The following FRYL variants were observed in gnomAD, a reference collection of about 807,000 sequenced individuals.
FRYL encodes the protein protein furry homolog-like.
A neutral mutation model predicts 351.2 loss-of-function variants in FRYL; 150 were observed. That is an observed-to-expected ratio of 0.43 (90% CI 0.37 to 0.49). The LOEUF is 0.49. Among genes scored for constraint, FRYL ranks in the 20% least tolerant of loss-of-function variants. FRYL has a pLI of 0.00. For synonymous variants in FRYL, 1,153 were observed against 1,257.1 expected (o/e 0.92, Z 1.75); for missense variants, 3,036 against 3,619.3 (o/e 0.84, Z 4.13).
At position 48,620,669 on chromosome 4, in the gene FRYL, T is replaced by C. The variant is rs545235948; in HGVS notation, c.284A>G (p.Tyr95Cys). The change falls in exon 6 of 64, where the codon TAT becomes TGT. Residue 95 changes from tyrosine (Y) to cysteine (C), a missense_variant. This residue lies in a region of FRYL where 457 missense variants were observed against 566.6 expected (regional missense o/e 0.81). Transcript: ENST00000358350. ...QNGTEDESYE[Y>C]RPRSSTKSKG... ...AGACTTTGTGCTAGACCGAGGCCTA[T>C]ATTCATAAGATTCATCTTCCGTTCC... is the stretch of plus-strand genomic sequence containing the variant. 16 of 1,613,926 alleles carry C rather than the reference T, an allele frequency of 9.9e-6. No individual in the cohort carries two copies. In the South Asian group the frequency reaches 1.5e-4, roughly 16 times the overall value.
chr4:48,637,658 G>A (rs1210266296), intron 3 of FRYL: 1 of 151,938 alleles, frequency 6.6e-6, no homozygotes, highest in Non-Finnish European at 1.5e-5. Context: ...CTAATAATAA[G>A]AATAAACAGG....
chr4:48,608,919 T>G, intron 9 of FRYL, 68 bp downstream of exon 9: 1 of 921,780 alleles, frequency 1.1e-6, no homozygotes, highest in Non-Finnish European at 1.8e-6. Context: ...CAGTATCTAT[T>G]GTATTCATTG....
chr4:48,580,836 A>G (rs1463467892), intron 22 of FRYL, 29 bp downstream of exon 22: 6 of 1,438,496 alleles, frequency 4.2e-6, no homozygotes, highest in Middle Eastern at 1.8e-4. Flanking sequence ...TCAAAACAAG[A>G]TTGGGTAGAA....
chr4:48,702,562 T>TCAG (rs199502618), intron 2 of FRYL, among the ~76,000 whole-genome samples: 1,424 of 139,766 alleles, frequency 0.01, 21 homozygotes, highest in African/African-American at 0.035. Flanking sequence ...GATTACGAGG[T>TCAG]CAGGAGATCG....
At chr4:48,757,985 A>C (rs995373178) in intron 1 of FRYL, among the ~76,000 whole-genome samples, 2 of 152,216 alleles carry the variant, frequency 1.3e-5, no homozygotes, top group Non-Finnish European at 2.9e-5. Context: ...AGAAATGGAG[A>C]AAGGATTCCC....
At chr4:48,699,678 T>C (rs574742391) in intron 2 of FRYL, among the ~76,000 whole-genome samples, 201 of 152,232 alleles carry the variant, frequency 1.3e-3, no homozygotes, top group African/African-American at 4.7e-3. Flanking sequence ...AAGCCCTACC[T>C]GTGGTTTAAC....
chr4:48,715,374 C>T (rs1214331346), intron 1 of FRYL, among the ~76,000 whole-genome samples: 13 of 152,132 alleles, frequency 8.5e-5, no homozygotes, highest in Admixed American at 8.5e-4. Context: ...CTAGAAAACC[C>T]CATCGTCTCA....
At chr4:48,520,905 C>G in intron 55 of FRYL, 143 bp downstream of exon 55, 1 of 535,662 alleles carries the variant, frequency 1.9e-6, no homozygotes, top group Non-Finnish European at 3.2e-6. Context: ...TCAGATTTGA[C>G]TATTTCATTT....
At chr4:48,718,641 A>T (rs1358486604) in intron 1 of FRYL, among the ~76,000 whole-genome samples, 2 of 151,240 alleles carry the variant, frequency 1.3e-5, no homozygotes, top group African/African-American at 4.8e-5. Context: ...ACAGTCCCAT[A>T]CTCTCTACAG....
chr4:48,501,702 A>G lies in FRYL; in HGVS notation c.8513T>C (p.Leu2838Ser), dbSNP rs1719697887. ...ELELCRRLYK[L>S]HFQLLLLFQA... The stretch of plus-strand genomic sequence containing the variant: ...GAACAGAAGCAGCAATTGAAAATGC[A>G]ATTTGTATAATCTTCGGCAGAGCTC... Residue 2838 changes from leucine to serine, a missense_variant, in exon 62 of 64, where the codon TTG becomes TCG. Leu to Ser is a moderately radical substitution (Grantham distance 145). Around this residue, in one of 7 missense-constraint regions of FRYL, gnomAD observed 1,987 missense variants for 2,311.7 expected, o/e 0.86. Coordinates refer to ENST00000358350, the MANE Select transcript of FRYL (RefSeq NM_015030.2). 1 of 1,607,630 alleles carries G rather than the reference A, an allele frequency of 6.2e-7. No homozygotes were observed. The highest frequency in any genetic ancestry group is 8.5e-7 in the Non-Finnish European group (1 of 1,174,622).
At chr4:48,538,667 G>T (rs912108459) in intron 47 of FRYL, among the ~76,000 whole-genome samples, 1 of 151,598 alleles carries the variant, frequency 6.6e-6, no homozygotes, top group African/African-American at 2.4e-5. Flanking sequence ...TACATAAAAA[G>T]CTTTTTCTGG....
At position 48,586,786 on chromosome 4, in the gene FRYL, C is replaced by A. The variant is rs1445432396; in HGVS notation, c.1641-58G>T. On this transcript the variant is annotated intron_variant, in intron 18 of 63. Transcript: ENST00000358350. ...TATTACATATGCTAGACAATGAAATCAAACTTGGAAAAATAACTACAGAAA... is the reference window on the plus strand; with the variant it reads ...TATTACATATGCTAGACAATGAAATAAAACTTGGAAAAATAACTACAGAAA... The A allele has an allele frequency of 6.8e-6, 8 of 1,173,292 alleles. No homozygotes were observed. The East Asian group carries it at 1.7e-4, about 25-fold the overall frequency. The allele number at this position is 1,173,292 out of a possible 1,614,324, so 72.7% of individuals were successfully genotyped here. A position where few individuals can be genotyped will look rare whatever the true frequency, so the allele number is the denominator to read the frequency against.
intron 1 of FRYL, among the ~76,000 whole-genome samples, chr4:48,738,922 A>G (rs1771736427): frequency 6.6e-6 from 1 of 152,128 alleles, no homozygotes; most frequent in Non-Finnish European, 1.5e-5. Context: ...CTGATTCCAA[A>G]GTTTATGTGG....
At position 48,544,827 on chromosome 4, in the gene FRYL, G is replaced by T. The variant is rs1211462520; in HGVS notation, c.5357C>A (p.Thr1786Lys). Residue 1786 changes from threonine to lysine, a missense_variant, in exon 43 of 64, where the codon ACA (threonine) becomes AAA (lysine). Transcript: ENST00000358350. ...AACAGAAACCACATGTTTCAAAAAT[G>T]TAGTTAACTGTTCAGCACTCTTTAT... The part of the protein sequence containing the change: ...PSIKSAEQLT[T>K]FLKHVVSVFK... 1.9e-6 allele frequency: 3 copies of T among 1,607,744 alleles called. No homozygotes were observed. The African/African-American group carries it at 4.0e-5, about 22-fold the overall frequency.
intron 3 of FRYL, among the ~76,000 whole-genome samples, chr4:48,671,371 A>C (rs1169594097): frequency 6.6e-6 from 1 of 152,150 alleles, no homozygotes; most frequent in Non-Finnish European, 1.5e-5. Context: ...ATTATGAACA[A>C]AAAAGGAAAG....
At chr4:48,761,301 T>C (rs1774398625) in intron 1 of FRYL, among the ~76,000 whole-genome samples, 1 of 152,164 alleles carries the variant, frequency 6.6e-6, no homozygotes, top group Non-Finnish European at 1.5e-5. Context: ...AACATATTTA[T>C]ATAAAATCGT....
chr4:48,746,735 T>A (rs1295751958), intron 1 of FRYL, among the ~76,000 whole-genome samples: 1 of 152,078 alleles, frequency 6.6e-6, no homozygotes, highest in Non-Finnish European at 1.5e-5. Context: ...CAGCTACTGC[T>A]ATGCACGTAC....
intron 2 of FRYL, among the ~76,000 whole-genome samples, chr4:48,696,493 C>T (rs1766175717): frequency 6.6e-6 from 1 of 151,984 alleles, no homozygotes; most frequent in Non-Finnish European, 1.5e-5. Context: ...CACGTGGACA[C>T]TGGAAGGGGA....
rs868827914 is a variant in FRYL, at chr4:48,543,857, C to T, written c.5542G>A (p.Val1848Ile). The change falls in exon 44 of 64, where the codon GTT becomes ATT. Residue 1848 changes from valine (V) to isoleucine (I), a missense_variant. Physicochemically the swap from Val to Ile is conservative, Grantham distance 29. This residue lies in a region of FRYL where 1,987 missense variants were observed against 2,311.7 expected (regional missense o/e 0.86). Coordinates refer to ENST00000358350, the MANE Select transcript of FRYL (RefSeq NM_015030.2). The stretch of plus-strand genomic sequence containing the variant: ...ACAGTTTCTACAAGTCTGGAGAGAA[C>T]ATCAGAAAGTGTAGTTGCAGTGAGA... ...QPLTATTLSD[V>I]LSRLVETVGD... The T allele has an allele frequency of 7.4e-6, 12 of 1,613,674 alleles. No homozygotes were observed. The African/African-American group carries it at 1.2e-4, about 16-fold the overall frequency.
Sources: gnomAD v4.1 joint callset for allele counts (sites outside exome capture counted in the v4.1 genomes callset) on GRCh38, gnomAD v4.1.1 for gene constraint, gnomAD v4.1.1 regional missense constraint, MANE v1.5 for transcripts, NCBI Gene and HGNC (gene_info 2026-07-23, HGNC 2026-07-21) for gene names.